ADAP1: variants seen among roughly 807,000 people sequenced by gnomAD.
The protein encoded by ADAP1 is arf-GAP with dual PH domain-containing protein 1.
In ADAP1, 31 loss-of-function variants were observed where a neutral mutation model predicts 54.9. The observed-to-expected ratio is 0.56, with a 90% CI of 0.42 to 0.76. The LOEUF is 0.76. Ranked by LOEUF, ADAP1 falls within the 30% of genes least tolerant of loss-of-function variation. The probability of loss-of-function intolerance (pLI) is 0.00; values close to 1 mark genes in which losing one functional copy is unlikely to be tolerated. For missense variants in ADAP1, 535 were observed against 512.4 expected, an observed-to-expected ratio of 1.04 and a Z score of -0.42; for synonymous variants, 313 against 202.6, an observed-to-expected ratio of 1.55 and a Z score of -4.63.
At chr7:952,349 T>C (rs900248660) in intron 1 of ADAP1, among the ~76,000 whole-genome samples, 1 of 152,132 alleles carries the variant, frequency 6.6e-6, no homozygotes, top group African/African-American at 2.4e-5. Context: ...TGTCCTGCTG[T>C]CCAGGTCTGC....
chr7:923,888 G>A (rs1846276588), intron 3 of ADAP1, among the ~76,000 whole-genome samples: 4 of 152,204 alleles, frequency 2.6e-5, no homozygotes, highest in Admixed American at 2.6e-4. Context: ...CTGGGGCTGG[G>A]AGAATCTTGG....
chr7:905,738 AAAGGAGAAGGGAGAAGG>A, intron 4 of ADAP1: 1 of 49,314 alleles, frequency 2.0e-5, no homozygotes, highest in African/African-American at 8.3e-5. Flanking sequence ...GGAGAAAGGG[AAAGGAGAAGGGAGAAGG>A]GAGAAGGGAG....
Position 938,791 on chromosome 7 carries a change from C to T in ADAP1, c.83-3286G>A, listed in dbSNP as rs933229813. Among the ~76,000 whole-genome samples the T allele has an allele frequency of 8.5e-5, 13 of 152,204 alleles. No individual in the cohort carries two copies. Among genetic ancestry groups the T allele is most frequent in the Non-Finnish European group, 1.5e-5 (1 of 68,038 alleles). Reference sequence around the variant, plus strand: ...GGGGGCCCTCCTTCTCACCGCATGGCAATGCTGTTGGTTCTGCTCCGACAG... The same window carrying T: ...GGGGGCCCTCCTTCTCACCGCATGGTAATGCTGTTGGTTCTGCTCCGACAG... On this transcript the variant is annotated intron_variant, in intron 1 of 10. Transcript: ENST00000265846. This position sits in a 1 kb window ranked among gnomAD's most constrained non-coding sequence, Gnocchi z 4.4.
At chr7:948,609 C>G (rs369483026) in intron 1 of ADAP1, among the ~76,000 whole-genome samples, 33 of 152,260 alleles carry the variant, frequency 2.2e-4, no homozygotes, top group South Asian at 4.2e-4. Context: ...GACTTGGGGT[C>G]AGTTTGCTCC....
intron 1 of ADAP1, among the ~76,000 whole-genome samples, chr7:947,435 G>C (rs1263127242): frequency 6.6e-6 from 1 of 152,012 alleles, no homozygotes; most frequent in African/African-American, 2.4e-5. Context: ...CTTTCCTCCA[G>C]AGCTGCCCGT....
chr7:909,897 C>T (rs996274428), intron 4 of ADAP1, among the ~76,000 whole-genome samples: 2 of 152,264 alleles, frequency 1.3e-5, no homozygotes, highest in East Asian at 1.9e-4. Flanking sequence ...TACTGTGTGC[C>T]GGTCCCACTG....
At chr7:899,526 C>G (rs200373083) in intron 8 of ADAP1, 36 bp from the exon 9 acceptor site, 4 of 1,599,138 alleles carry the variant, frequency 2.5e-6, no homozygotes, top group Non-Finnish European at 3.4e-6. Flanking sequence ...CGGCAGGTCG[C>G]CGAGGCAGGC....
At chr7:904,046 G>C (rs564297398) in intron 6 of ADAP1, 80 bp downstream of exon 6, 2 of 1,582,630 alleles carry the variant, frequency 1.3e-6, no homozygotes, top group South Asian at 1.1e-5. Flanking sequence ...TACCGTCCAA[G>C]CACCCACCTT....
At position 905,734 on chromosome 7, in the gene ADAP1, AGGGAAAGGAGAAGGGAGAAG is replaced by A. The variant is rs1562912773; in HGVS notation, c.389-582_389-563del. 23 of 35,958 alleles carry A rather than the reference AGGGAAAGGAGAAGGGAGAAG, an allele frequency of 6.4e-4. 1 individual carries two copies. Among genetic ancestry groups the A allele is most frequent in the South Asian group, 9.4e-4 (1 of 1,062 alleles). The allele number at this position is 35,958 out of a possible 1,614,324, so 2.2% of individuals were successfully genotyped here. A position where few individuals can be genotyped will look rare whatever the true frequency, so the allele number is the denominator to read the frequency against. The stretch of plus-strand genomic sequence containing the variant: ...GAGAAAGGAGAAAGGGAAAGGAGAA[AGGGAAAGGAGAAGGGAGAAG>A]GGAGAAGGGAGAAAGGAGAAAGGAG... On this transcript the variant is annotated intron_variant, in intron 4 of 10. Transcript: ENST00000265846.
At chr7:915,052 G>T (rs1232501600) in intron 4 of ADAP1, among the ~76,000 whole-genome samples, 1 of 108,350 alleles carries the variant, frequency 9.2e-6, no homozygotes, top group African/African-American at 3.8e-5. Context: ...TGGCGTGCCT[G>T]GTGCCTCCTG....
chr7:939,449 C>T (rs997103394), intron 1 of ADAP1, among the ~76,000 whole-genome samples: 1 of 151,832 alleles, frequency 6.6e-6, no homozygotes, highest in Non-Finnish European at 1.5e-5. Flanking sequence ...AAACTCCCGA[C>T]TTAGGTGATC....
intron 6 of ADAP1, among the ~76,000 whole-genome samples, chr7:901,987 G>A (rs1844841331): frequency 6.6e-6 from 1 of 151,996 alleles, no homozygotes; most frequent in Non-Finnish European, 1.5e-5. Context: ...GGGCAGACGG[G>A]GCATGCCTGG....
At chr7:916,160 C>T (rs553145846) in intron 4 of ADAP1, among the ~76,000 whole-genome samples, 2 of 152,312 alleles carry the variant, frequency 1.3e-5, no homozygotes, top group South Asian at 4.1e-4. Context: ...CTTCTGTGAG[C>T]CACACCTGAC....
intron 1 of ADAP1, among the ~76,000 whole-genome samples, chr7:936,516 G>A (rs1158917660): frequency 6.6e-6 from 1 of 152,212 alleles, no homozygotes; most frequent in Non-Finnish European, 1.5e-5. Context: ...CAGTCTTTCT[G>A]CTGCTGCACG....
intron 4 of ADAP1, among the ~76,000 whole-genome samples, chr7:913,695 G>C (rs1845817369): frequency 6.6e-6 from 1 of 152,054 alleles, no homozygotes; most frequent in Admixed American, 6.6e-5. Flanking sequence ...AGCACTTTGG[G>C]AGGCCGAGGC....
chr7:928,543 G>A (rs1846463569), intron 2 of ADAP1, among the ~76,000 whole-genome samples: 1 of 152,230 alleles, frequency 6.6e-6, no homozygotes, highest in African/African-American at 2.4e-5. Context: ...GCCTAAAAAT[G>A]GGGAAGGATT....
chr7:900,624 C>CA lies in ADAP1; in HGVS notation c.649-9dup, dbSNP rs1424553543. On this transcript the variant is annotated splice_polypyrimidine_tract_variant and intron_variant, in intron 6 of 10. Transcript: ENST00000265846. ...GAACCAGTCCACAATCTCCTAGGGG[C>CA]AAAGGTGGGCACAGGCTTGGGCTGA... 1 of 1,599,102 alleles carries CA rather than the reference C, an allele frequency of 6.3e-7. No individual in the cohort carries two copies. The highest frequency in any genetic ancestry group is 2.3e-5 in the East Asian group (1 of 44,390).
chr7:953,423 G>T (rs1188909395), intron 1 of ADAP1, among the ~76,000 whole-genome samples: 3 of 152,124 alleles, frequency 2.0e-5, no homozygotes, highest in East Asian at 1.9e-4. Flanking sequence ...CTTTTTCCGG[G>T]GTGTCCAGAG....
chr7:926,924 T>C lies in ADAP1; in HGVS notation c.214-280A>G, dbSNP rs1846410422. 8.3e-7 allele frequency: 1 copy of C among 1,206,282 alleles called. No homozygotes were observed. The highest frequency in any genetic ancestry group is 1.1e-6 in the Non-Finnish European group (1 of 918,392). The allele number at this position is 1,206,282 out of a possible 1,614,324, so 74.7% of individuals were successfully genotyped here. ...CCCCTTTTGAGGATGGGTCTGAGGT[T>C]TGCCCCACCGTTTCAACCCCCAAGT... On this transcript the variant is annotated intron_variant, in intron 2 of 10. Transcript: ENST00000265846. This position sits in a 1 kb window ranked among gnomAD's most constrained non-coding sequence, Gnocchi z 4.6.
Sources: allele counts gnomAD v4.1 joint callset (sites outside exome capture counted in the v4.1 genomes callset), GRCh38; gene constraint gnomAD v4.1.1; non-coding constraint Gnocchi (gnomAD v3.1); transcripts MANE v1.5; gene names NCBI Gene and HGNC (gene_info 2026-07-23, HGNC 2026-07-21).